TRPM6: variants seen among roughly 807,000 people sequenced by gnomAD.
TRPM6 encodes the protein channel kinase 2.
A neutral mutation model predicts 247.6 loss-of-function variants in TRPM6; 111 were observed. The observed-to-expected ratio is 0.45, with a 90% CI of 0.38 to 0.52. The LOEUF (loss-of-function observed/expected upper bound fraction) is 0.52, where lower values mean the gene tolerates loss of function less well. Among genes scored for constraint, TRPM6 ranks in the 20% least tolerant of loss-of-function variants. The pLI is 0.00. For synonymous variants in TRPM6, 892 were observed against 853.8 expected (o/e 1.04, Z -0.78); for missense variants, 2,126 against 2,421.5 (o/e 0.88, Z 2.56).
At chr9:74,767,891 G>C (rs1011378555) in intron 25 of TRPM6, among the ~76,000 whole-genome samples, 1 of 152,064 alleles carries the variant, frequency 6.6e-6, no homozygotes, top group Non-Finnish European at 1.5e-5. Context: ...CAAGAGGATC[G>C]CTTGAGCCCA....
intron 38 of TRPM6, among the ~76,000 whole-genome samples, chr9:74,726,874 T>G (rs547521290): frequency 6.6e-6 from 1 of 152,240 alleles, no homozygotes; most frequent in Admixed American, 6.5e-5. Flanking sequence ...CTTCCTGAGC[T>G]CCTTTTGACC....
At chr9:74,781,199 T>C (rs185108154) in intron 23 of TRPM6, among the ~76,000 whole-genome samples, 9 of 151,928 alleles carry the variant, frequency 5.9e-5, no homozygotes, top group Non-Finnish European at 8.8e-5. Context: ...GGGGAGAAGA[T>C]GATCCAGAAA....
At chr9:74,847,145 A>G (rs1196521511) in intron 3 of TRPM6, among the ~76,000 whole-genome samples, 1 of 152,210 alleles carries the variant, frequency 6.6e-6, no homozygotes. Context: ...TAGCAAGGAC[A>G]CATTTCCTTT....
At position 74,840,257 on chromosome 9, in the gene TRPM6, A is replaced by G. The variant is rs1277995308; in HGVS notation, c.331-20T>C. On this transcript the variant is annotated intron_variant, in intron 4 of 38. Coordinates refer to ENST00000360774, the MANE Select transcript of TRPM6 (RefSeq NM_017662.5). Reference sequence around the variant, plus strand: ...AATATACTGCAAGAAAAGCACATGTAGGTGAACAGAACATTGTAAAAAAGT... The same window carrying G: ...AATATACTGCAAGAAAAGCACATGTGGGTGAACAGAACATTGTAAAAAAGT... 1.3e-6 allele frequency: 2 copies of G among 1,551,734 alleles called. No individual in the cohort carries two copies. Among genetic ancestry groups the G allele is most frequent in the Non-Finnish European group, 8.9e-7 (1 of 1,124,882 alleles).
chr9:74,793,364 T>A (rs1211456417), intron 18 of TRPM6, among the ~76,000 whole-genome samples: 2 of 152,162 alleles, frequency 1.3e-5, no homozygotes, highest in Admixed American at 1.3e-4. Flanking sequence ...TCCTTTTTTT[T>A]GAGATGAAGT....
At chr9:74,828,563 C>T (rs996663468) in intron 6 of TRPM6, among the ~76,000 whole-genome samples, 2 of 151,960 alleles carry the variant, frequency 1.3e-5, no homozygotes, top group African/African-American at 2.4e-5. Context: ...CTGCTTTCCA[C>T]GTGCTTGAAT....
Position 74,785,862 on chromosome 9 carries a change from G to C in TRPM6, c.2919+12C>G, listed in dbSNP as rs752351654. The C allele has an allele frequency of 6.2e-7, 1 of 1,614,054 alleles. No individual in the cohort carries two copies. The highest frequency in any genetic ancestry group is 1.1e-5 in the South Asian group (1 of 91,070). ...AAAAGAATACCAGGATATAAAACTA[G>C]ACTGTACTCACCATTTTTGCAATCA... On this transcript the variant is annotated intron_variant, in intron 21 of 38. Transcript: ENST00000360774.
intron 6 of TRPM6, among the ~76,000 whole-genome samples, chr9:74,833,413 A>G (rs1000002523): frequency 2.6e-5 from 4 of 152,262 alleles, no homozygotes; most frequent in Non-Finnish European, 4.4e-5. Context: ...AAGCAGAGTA[A>G]TACAAGATAA....
Position 74,739,888 on chromosome 9 carries a change from C to T in TRPM6, c.5322G>A (p.Glu1774=). 1 of 1,614,154 alleles carries T rather than the reference C, an allele frequency of 6.2e-7. No individual in the cohort carries two copies. The highest frequency in any genetic ancestry group is 8.5e-7 in the Non-Finnish European group (1 of 1,180,038). ...TAGCTTTACGGAGGCCCCCATCCAT[C>T]TCCTCTCGGGACAATACCTGGATCA... ...AAMIQVLSRE[E]MDGGLRKAMR... The change falls in exon 34 of 39, where the codon GAG becomes GAA. Residue 1774 remains glutamate (E), a synonymous_variant. Coordinates refer to ENST00000360774, the MANE Select transcript of TRPM6 (RefSeq NM_017662.5).
intron 36 of TRPM6, among the ~76,000 whole-genome samples, chr9:74,734,889 C>T (rs1563988806): frequency 6.6e-6 from 1 of 152,104 alleles, no homozygotes; most frequent in African/African-American, 2.4e-5. Context: ...TTGGGGCACA[C>T]AAATGGCAGA....
At chr9:74,827,504 A>G (rs921894940) in intron 7 of TRPM6, among the ~76,000 whole-genome samples, 2 of 152,006 alleles carry the variant, frequency 1.3e-5, no homozygotes, top group African/African-American at 4.8e-5. Context: ...CAGACAGTGC[A>G]GACTTGTGGA....
chr9:74,849,351 CAAAA>C (rs11333236), intron 3 of TRPM6, among the ~76,000 whole-genome samples: 1 of 69,424 alleles, frequency 1.4e-5, no homozygotes, highest in Non-Finnish European at 3.2e-5. Context: ...AACTTCATCT[CAAAA>C]AAAAAAAAAA....
chr9:74,863,326 C>T (rs1281239521), intron 1 of TRPM6, among the ~76,000 whole-genome samples: 2 of 152,036 alleles, frequency 1.3e-5, no homozygotes, highest in Admixed American at 6.6e-5. Context: ...GGATTACAGG[C>T]GTGAGCCACT....
At chr9:74,773,383 A>G (rs567361901) in intron 24 of TRPM6, among the ~76,000 whole-genome samples, 2 of 152,340 alleles carry the variant, frequency 1.3e-5, no homozygotes, top group East Asian at 3.9e-4. Context: ...CTTCTACTGA[A>G]GAATGAGATG....
chr9:74,765,218 TG>T (rs1469651628), intron 25 of TRPM6, among the ~76,000 whole-genome samples: 1 of 152,124 alleles, frequency 6.6e-6, no homozygotes, highest in East Asian at 1.9e-4. Context: ...GAGGCAGGGC[TG>T]GGGATGTCTA....
chr9:74,818,765 A>C (rs1212465530), intron 9 of TRPM6, among the ~76,000 whole-genome samples: 1 of 152,130 alleles, frequency 6.6e-6, no homozygotes, highest in East Asian at 1.9e-4. Context: ...AATTAGAAAC[A>C]TGGTTGCTAT....
intron 7 of TRPM6, among the ~76,000 whole-genome samples, chr9:74,823,852 G>A (rs967563715): frequency 6.6e-6 from 1 of 152,012 alleles, no homozygotes; most frequent in Non-Finnish European, 1.5e-5. Context: ...AGTGGGGCAG[G>A]GGAAAAACTA....
chr9:74,831,307 T>C (rs1294034159), intron 6 of TRPM6, among the ~76,000 whole-genome samples: 1 of 152,050 alleles, frequency 6.6e-6, no homozygotes. Flanking sequence ...CCAGCCAATA[T>C]GGTGAAACCC....
At chr9:74,737,492 T>A in intron 36 of TRPM6, 2 of 1,198,626 alleles carry the variant, frequency 1.7e-6, no homozygotes, top group Non-Finnish European at 2.2e-6. Flanking sequence ...CCAAGTTGTT[T>A]AAACAAACCA....
Sources: gnomAD v4.1 joint callset for allele counts (sites outside exome capture counted in the v4.1 genomes callset) on GRCh38, gnomAD v4.1.1 for gene constraint, MANE v1.5 for transcripts, NCBI Gene and HGNC (gene_info 2026-07-23, HGNC 2026-07-21) for gene names.